The following SDR42E2 variants were observed in gnomAD, a reference collection of about 807,000 sequenced individuals.
SDR42E2 encodes the protein short chain dehydrogenase/reductase family 42E, member 2, also known as putative short-chain dehydrogenase/reductase family 42E member 2.
SDR42E2 carries 20 observed loss-of-function variants against 10.5 expected under a neutral mutation model. The observed-to-expected ratio is 1.90, with a 90% confidence interval of 1.34 to 2.77. The LOEUF (loss-of-function observed/expected upper bound fraction) is 2.77. SDR42E2 is among the 30% of genes most tolerant of loss of function. The pLI, the probability that SDR42E2 is intolerant of heterozygous loss-of-function variation, is 0.00. For synonymous variants in SDR42E2, 72 were observed against 39.2 expected, an observed-to-expected ratio of 1.84 and a Z score of -3.12; for missense variants, 162 against 104.2, an observed-to-expected ratio of 1.55 and a Z score of -2.42.
At chr16:22,172,099 T>C (rs2046606277) in intron 6 of SDR42E2, among the ~76,000 whole-genome samples, 157 bp from the exon 7 acceptor site, 1 of 152,006 alleles carries the variant, frequency 6.6e-6, no homozygotes, top group South Asian at 2.1e-4. Flanking sequence ...GATGCACTGT[T>C]CTCCCACCCA....
intron 8 of SDR42E2, 49 bp from the exon 9 acceptor site, chr16:22,181,470 A>G (rs904940541): frequency 4.3e-6 from 3 of 702,692 alleles, no homozygotes. Flanking sequence ...GACGGAATGT[A>G]AAGCCACACC....
At chr16:22,179,568 T>C (rs1036354046) in intron 8 of SDR42E2, among the ~76,000 whole-genome samples, 1 of 151,990 alleles carries the variant, frequency 6.6e-6, no homozygotes, top group African/African-American at 2.4e-5. Context: ...TCCCAGCACT[T>C]TGGGAGGCCG....
chr16:22,183,630 G>T (rs1028780145), intron 10 of SDR42E2, among the ~76,000 whole-genome samples: 2 of 152,184 alleles, frequency 1.3e-5, no homozygotes, highest in Non-Finnish European at 1.5e-5. Context: ...AAGTTTTTAT[G>T]CCAGTGAAGA....
At chr16:22,184,819 G>A (rs2046724757) in intron 11 of SDR42E2, among the ~76,000 whole-genome samples, 1 of 152,082 alleles carries the variant, frequency 6.6e-6, no homozygotes, top group African/African-American at 2.4e-5. Context: ...GCTATGATGG[G>A]CCCATTGTAA....
intron 7 of SDR42E2, among the ~76,000 whole-genome samples, chr16:22,177,536 G>A (rs1385196519): frequency 2.0e-5 from 3 of 152,138 alleles, no homozygotes; most frequent in Non-Finnish European, 4.4e-5. Context: ...GCTAAGGCAG[G>A]AAAATTGCTT....
chr16:22,169,902 G>A (rs577673987), intron 5 of SDR42E2, among the ~76,000 whole-genome samples: 1 of 151,668 alleles, frequency 6.6e-6, no homozygotes, highest in African/African-American at 2.4e-5. Context: ...CGTGGTGGCG[G>A]GTGCCTGCAG....
chr16:22,163,615 G>A (rs1287212564), intron 1 of SDR42E2, among the ~76,000 whole-genome samples: 1 of 152,222 alleles, frequency 6.6e-6, no homozygotes, highest in Non-Finnish European at 1.5e-5. Context: ...GCTGAGGGAG[G>A]AGAATTGCTT....
At chr16:22,164,315 T>G (rs1181703945) in intron 1 of SDR42E2, among the ~76,000 whole-genome samples, 1 of 151,922 alleles carries the variant, frequency 6.6e-6, no homozygotes, top group Non-Finnish European at 1.5e-5. Flanking sequence ...TCCCAGCACT[T>G]TGGGAGGCTG....
At chr16:22,181,817 G>T (rs1445546521) in intron 9 of SDR42E2, among the ~76,000 whole-genome samples, 161 bp downstream of exon 9, 1 of 152,142 alleles carries the variant, frequency 6.6e-6, no homozygotes, top group Non-Finnish European at 1.5e-5. Context: ...AGGTAGGTGG[G>T]GTGTGGAGTT....
rs2046703081 is a variant in SDR42E2 at position 22,182,365 on chromosome 16, G to A, written c.876+88G>A. 1.0e-5 allele frequency: 4 copies of A among 394,514 alleles called. No individual in the cohort carries two copies. In the South Asian group the frequency reaches 5.2e-4, roughly 51 times the overall value. 24.4% of individuals were successfully genotyped at this position (394,514 alleles called of 1,614,324 possible). A position where few individuals can be genotyped will look rare whatever the true frequency, so the allele number is the denominator to read the frequency against. ...TTTTTATTTTTTTTTTTAATTTTTTGAGACAGAGTTTTGCTCTTGTCACCC... is the reference window on the plus strand; with the variant it reads ...TTTTTATTTTTTTTTTTAATTTTTTAAGACAGAGTTTTGCTCTTGTCACCC... On this transcript the variant is annotated intron_variant, in intron 10 of 12. Coordinates refer to ENST00000602312, the MANE Select transcript of SDR42E2 (RefSeq NM_001394319.2).
intron 12 of SDR42E2, among the ~76,000 whole-genome samples, chr16:22,188,466 T>C (rs1042230540): frequency 1.3e-5 from 2 of 152,042 alleles, no homozygotes; most frequent in East Asian, 3.9e-4. Flanking sequence ...TAGACAACAT[T>C]GTCCTCTCCA....
chr16:22,175,724 G>A (rs2046639449), intron 7 of SDR42E2, among the ~76,000 whole-genome samples: 1 of 152,016 alleles, frequency 6.6e-6, no homozygotes, highest in African/African-American at 2.4e-5. Context: ...TGGGCACAGT[G>A]GCTTACGCCT....
Position 22,166,916 on chromosome 16 carries a change from G to A in SDR42E2, c.253G>A (p.Asp85Asn). The change falls in exon 4 of 13, where the codon GAT (aspartate) becomes AAT (asparagine). Residue 85 changes from aspartate (D) to asparagine (N), a missense_variant. Asp to Asn is a conservative substitution (Grantham distance 23). Coordinates refer to ENST00000602312, the MANE Select transcript of SDR42E2 (RefSeq NM_001394319.2). ...TCCTCTGGTGCAGGCTGATGTCCGAGATGAAGAAGCCCTGTACCGTGCCTT... is the reference window on the plus strand; with the variant it reads ...TCCTCTGGTGCAGGCTGATGTCCGAAATGAAGAAGCCCTGTACCGTGCCTT... ...ETKFIQADVR[D>N]EEALYRAFEG... 2 of 676,174 alleles carry A rather than the reference G, an allele frequency of 3.0e-6. No homozygotes were observed. The highest frequency in any genetic ancestry group is 1.8e-5 in the African/African-American group (1 of 56,766). 41.9% of individuals were successfully genotyped at this position (676,174 alleles called of 1,614,324 possible).
At chr16:22,165,784 G>T in intron 2 of SDR42E2, 147 bp downstream of exon 2, 1 of 401,392 alleles carries the variant, frequency 2.5e-6, no homozygotes, top group East Asian at 3.6e-5. Flanking sequence ...ACCTCAGGCG[G>T]GTTCTGGTAC....
intron 11 of SDR42E2, among the ~76,000 whole-genome samples, chr16:22,185,058 G>T (rs930293684): frequency 6.6e-6 from 1 of 152,064 alleles, no homozygotes; most frequent in Non-Finnish European, 1.5e-5. Context: ...GCTCCATTTT[G>T]ATCCTAGATT....
Position 22,182,305 on chromosome 16 carries a change from G to A in SDR42E2, c.876+28G>A, listed in dbSNP as rs192792666. On this transcript the variant is annotated intron_variant, in intron 10 of 12. Transcript: ENST00000602312. ...AGGTGCACAGATGCCCACCCACCCC[G>A]AATGATCATTCTGGGATCCCTGACC... is the stretch of plus-strand genomic sequence containing the variant. 588 of 400,900 alleles carry A rather than the reference G, an allele frequency of 1.5e-3. 1 individual carries two copies. The highest frequency in any genetic ancestry group is 3.3e-3 in the Admixed American group (74 of 22,688). 24.8% of individuals were successfully genotyped at this position (400,900 alleles called of 1,614,324 possible). A position where few individuals can be genotyped will look rare whatever the true frequency, so the allele number is the denominator to read the frequency against.
chr16:22,165,823 A>G (rs1371552372), intron 2 of SDR42E2, among the ~76,000 whole-genome samples, 186 bp downstream of exon 2: 1 of 152,054 alleles, frequency 6.6e-6, no homozygotes, highest in Non-Finnish European at 1.5e-5. Flanking sequence ...TATTTCAGGG[A>G]CTGGACCAGG....
chr16:22,181,196 T>C (rs753592459), intron 8 of SDR42E2, among the ~76,000 whole-genome samples: 10 of 151,840 alleles, frequency 6.6e-5, no homozygotes, highest in Non-Finnish European at 1.0e-4. Flanking sequence ...GATTTGCAGG[T>C]GGGTTGGACA....
chr16:22,180,001 AC>A (rs1793740221), intron 8 of SDR42E2, among the ~76,000 whole-genome samples: 2 of 152,210 alleles, frequency 1.3e-5, no homozygotes, highest in African/African-American at 4.8e-5. Context: ...GACAGTGGGA[AC>A]AGCTCATCCA....
Sources: allele counts gnomAD v4.1 joint callset (sites outside exome capture counted in the v4.1 genomes callset), GRCh38; gene constraint gnomAD v4.1.1; transcripts MANE v1.5; gene names NCBI Gene and HGNC (gene_info 2026-07-23, HGNC 2026-07-21).